Variants in ADCY3 observed in about 807,000 individuals in gnomAD.
ADCY3 encodes the protein adenylate cyclase type 3.
ADCY3 carries 70 observed loss-of-function variants against 119.4 expected under a neutral mutation model. That is an observed-to-expected ratio of 0.59 (90% CI 0.48 to 0.72). The LOEUF (loss-of-function observed/expected upper bound fraction) is 0.72, where lower values mean the gene tolerates loss of function less well. Among genes scored for constraint, ADCY3 ranks in the 30% least tolerant of loss-of-function variants. The probability of loss-of-function intolerance (pLI) is 0.00; values close to 1 mark genes in which losing one functional copy is unlikely to be tolerated. For missense variants in ADCY3, 1,238 were observed against 1,541.6 expected (o/e 0.80, Z 3.30); for synonymous variants, 672 against 621.4 (o/e 1.08, Z -1.21).
chr2:24,854,296 A>G (rs964758095), intron 3 of ADCY3, among the ~76,000 whole-genome samples: 2 of 152,252 alleles, frequency 1.3e-5, no homozygotes, highest in Non-Finnish European at 2.9e-5. Context: ...GAAACAAAGC[A>G]TGTTTAAAAT....
rs570119930 is a variant in ADCY3, at chr2:24,842,592, T to C, written c.826-208A>G. The C allele has an allele frequency of 6.0e-5, 36 of 601,240 alleles. No individual in the cohort carries two copies. Among genetic ancestry groups the C allele is most frequent in the South Asian group, 4.9e-4 (25 of 50,558 alleles). The allele number at this position is 601,240 out of a possible 1,614,324, so 37.2% of individuals were successfully genotyped here. On this transcript the variant is annotated intron_variant, in intron 3 of 21. Transcript: ENST00000679454. The surrounding 1 kb of genome is among the most constrained non-coding windows in gnomAD (Gnocchi z 4.9). The stretch of plus-strand genomic sequence containing the variant: ...GCCCTGACAAGGCTGAGGGTGGCAA[T>C]GGCCCCTTCAGAGCAACTGAGGGGA...
chr2:24,865,319 C>CATG (rs1674141742), intron 3 of ADCY3, among the ~76,000 whole-genome samples: 1 of 152,074 alleles, frequency 6.6e-6, no homozygotes, highest in African/African-American at 2.4e-5. Flanking sequence ...GTGGTGCATG[C>CATG]CTATAGTCCC....
chr2:24,875,364 C>G (rs1330815748), intron 2 of ADCY3, among the ~76,000 whole-genome samples: 1 of 152,244 alleles, frequency 6.6e-6, no homozygotes, highest in African/African-American at 2.4e-5. Flanking sequence ...CACCCCACCC[C>G]CCGTGGGTGT....
chr2:24,887,221 G>A (rs1677137115), intron 2 of ADCY3, among the ~76,000 whole-genome samples: 1 of 152,066 alleles, frequency 6.6e-6, no homozygotes, highest in Non-Finnish European at 1.5e-5. Flanking sequence ...AATACCATCG[G>A]ATCTTGTGAG....
chr2:24,889,188 T>G (rs540103687), intron 2 of ADCY3, among the ~76,000 whole-genome samples: 1 of 152,332 alleles, frequency 6.6e-6, no homozygotes, highest in East Asian at 1.9e-4. Flanking sequence ...CATTAAATGG[T>G]TGGCCAATAC....
At chr2:24,869,823 C>T (rs533188439) in intron 3 of ADCY3, among the ~76,000 whole-genome samples, 4 of 152,162 alleles carry the variant, frequency 2.6e-5, no homozygotes, top group South Asian at 2.1e-4. Flanking sequence ...TGGGCATAAC[C>T]GTAATACCAA....
chr2:24,827,661 T>C, intron 14 of ADCY3, 53 bp from the exon 15 acceptor site: 1 of 1,545,702 alleles, frequency 6.5e-7, no homozygotes, highest in Non-Finnish European at 8.8e-7. Context: ...AAGAGCCTGA[T>C]GCCCAGCCAG....
intron 21 of ADCY3, 31 bp from the exon 22 acceptor site, chr2:24,820,145 G>T: frequency 8.7e-7 from 1 of 1,145,840 alleles, no homozygotes. Context: ...AGAACGTGGC[G>T]TTACGGGGGG....
At chr2:24,820,152 G>C (rs1401375753) in intron 21 of ADCY3, 38 bp from the exon 22 acceptor site, 2 of 1,504,560 alleles carry the variant, frequency 1.3e-6, no homozygotes, top group Admixed American at 4.3e-5. Context: ...GGCGTTACGG[G>C]GGGAGCCTAG....
chr2:24,839,942 C>A lies in ADCY3; in HGVS notation c.1286G>T (p.Arg429Leu), dbSNP rs1670800642. 2.5e-6 allele frequency: 4 copies of A among 1,613,872 alleles called. No individual in the cohort carries two copies. The highest frequency in any genetic ancestry group is 3.4e-6 in the Non-Finnish European group (4 of 1,180,032). ...AGTCGACCACACGTCGTACTGCCAG[C>A]GCTTCTGGCCCAGGACGCCCCCCAG... is the stretch of plus-strand genomic sequence containing the variant. The part of the protein sequence containing the change: ...TVLGGVLGQK[R>L]WQYDVWSTDV... The change falls in exon 7 of 22, where the codon CGC becomes CTC. Residue 429 changes from arginine (R) to leucine (L), a missense_variant. Arg to Leu is a moderately radical substitution (Grantham distance 102, BLOSUM62 -2). This residue lies in a region of ADCY3 where 283 missense variants were observed against 437.2 expected (regional missense o/e 0.65). Transcript: ENST00000679454.
chr2:24,853,465 ATCT>A (rs1393125033), intron 3 of ADCY3, among the ~76,000 whole-genome samples: 1 of 134,010 alleles, frequency 7.5e-6, no homozygotes, highest in African/African-American at 2.9e-5. Flanking sequence ...AACGCGCCTC[ATCT>A]TTTTTTTTTT....
chr2:24,854,913 C>T (rs980347157), intron 3 of ADCY3, among the ~76,000 whole-genome samples: 2 of 151,986 alleles, frequency 1.3e-5, no homozygotes, highest in African/African-American at 4.8e-5. Context: ...AGCAGGGCTT[C>T]GTGGCGGGCA....
intron 11 of ADCY3, 64 bp from the exon 12 acceptor site, chr2:24,831,813 G>C (rs550248584): frequency 1.6e-6 from 2 of 1,219,450 alleles, no homozygotes; most frequent in East Asian, 2.5e-5. Flanking sequence ...TGAGGGGCTA[G>C]GAGAGGAAGG....
At chr2:24,907,071 C>T (rs1662938309) in intron 2 of ADCY3, among the ~76,000 whole-genome samples, 1 of 152,152 alleles carries the variant, frequency 6.6e-6, no homozygotes, top group Non-Finnish European at 1.5e-5. Context: ...GCGGAGGTTA[C>T]AGTGAGCCAG....
At chr2:24,901,827 C>T (rs1558516629) in intron 2 of ADCY3, among the ~76,000 whole-genome samples, 1 of 149,956 alleles carries the variant, frequency 6.7e-6, no homozygotes, top group African/African-American at 2.4e-5. Context: ...ACAAGGAATA[C>T]CAAACAGAGT....
intron 9 of ADCY3, among the ~76,000 whole-genome samples, chr2:24,835,521 A>G (rs1355967311): frequency 6.6e-6 from 1 of 152,166 alleles, no homozygotes; most frequent in Non-Finnish European, 1.5e-5. Flanking sequence ...TCCAAAGAAA[A>G]AGCATCAACT....
chr2:24,833,463 C>T (rs1669876579), intron 11 of ADCY3, among the ~76,000 whole-genome samples: 1 of 152,242 alleles, frequency 6.6e-6, no homozygotes, highest in Non-Finnish European at 1.5e-5. Flanking sequence ...CTGCTCTGAC[C>T]ATCCCACATC....
intron 7 of ADCY3, 84 bp from the exon 8 acceptor site, chr2:24,838,706 A>G (rs1194424837): frequency 1.3e-5 from 21 of 1,593,512 alleles, no homozygotes; most frequent in Non-Finnish European, 1.5e-5. Context: ...CCACGGCTGC[A>G]CCGGCTGCTG....
chr2:24,823,400 C>G, intron 17 of ADCY3, 45 bp from the exon 18 acceptor site: 1 of 1,591,574 alleles, frequency 6.3e-7, no homozygotes, highest in Non-Finnish European at 8.5e-7. Flanking sequence ...GTCCGACTGA[C>G]TGGATGATGT....
Sources: gnomAD v4.1 joint callset for allele counts (sites outside exome capture counted in the v4.1 genomes callset) on GRCh38, gnomAD v4.1.1 for gene constraint, gnomAD v4.1.1 regional missense constraint, Gnocchi (gnomAD v3.1) non-coding constraint, MANE v1.5 for transcripts, NCBI Gene and HGNC (gene_info 2026-07-23, HGNC 2026-07-21) for gene names.